Variants in TNNI3K observed in about 807,000 individuals in gnomAD.
TNNI3K encodes serine/threonine-protein kinase TNNI3K.
A neutral mutation model predicts 114.5 loss-of-function variants in TNNI3K; 140 were observed. The ratio of observed to expected loss-of-function variants is 1.22; its 90% confidence interval spans 1.07 to 1.41. The LOEUF (loss-of-function observed/expected upper bound fraction) is 1.41. Among genes scored for constraint, TNNI3K ranks in the 40% most tolerant of loss-of-function variants. The pLI is 0.00. For missense variants in TNNI3K, 1,125 were observed against 1,007.6 expected (o/e 1.12, Z -1.58); for synonymous variants, 347 against 347.5 (o/e 1.00, Z 0.02).
intron 21 of TNNI3K, among the ~76,000 whole-genome samples, chr1:74,473,635 C>T (rs1271134895): frequency 6.6e-6 from 1 of 151,830 alleles, no homozygotes; most frequent in Non-Finnish European, 1.5e-5. Flanking sequence ...GATACTCCAT[C>T]TCCAATTTTC....
intron 4 of TNNI3K, among the ~76,000 whole-genome samples, chr1:74,270,974 A>C (rs1656307737): frequency 6.6e-6 from 1 of 151,834 alleles, no homozygotes; most frequent in South Asian, 2.1e-4. Flanking sequence ...ATTGTTGCAC[A>C]AATTTTTCAA....
intron 4 of TNNI3K, among the ~76,000 whole-genome samples, chr1:74,255,277 C>A (rs1655206317): frequency 6.6e-6 from 1 of 150,446 alleles, no homozygotes; most frequent in Non-Finnish European, 1.5e-5. Flanking sequence ...TGGCGTGAAC[C>A]CGGGAGGCGG....
intron 17 of TNNI3K, among the ~76,000 whole-genome samples, chr1:74,382,161 A>G (rs896957173): frequency 4.6e-5 from 7 of 152,216 alleles, no homozygotes; most frequent in Non-Finnish European, 1.0e-4. Context: ...AATTCATCCT[A>G]TCACACCTTT....
chr1:74,448,395 C>A (rs1406221792), intron 20 of TNNI3K, among the ~76,000 whole-genome samples: 3 of 147,316 alleles, frequency 2.0e-5, no homozygotes, highest in Middle Eastern at 3.2e-3. Flanking sequence ...GATATACAAT[C>A]ATGTCGTCTG....
At chr1:74,543,849 A>C in intron 24 of TNNI3K, 57 bp from the exon 25 acceptor site, 1 of 1,606,072 alleles carries the variant, frequency 6.2e-7, no homozygotes, top group Non-Finnish European at 8.5e-7. Context: ...GTTATAAAAA[A>C]TTGGGGGATG....
chr1:74,426,940 A>G (rs1665666440), intron 17 of TNNI3K, among the ~76,000 whole-genome samples: 1 of 152,126 alleles, frequency 6.6e-6, no homozygotes, highest in African/African-American at 2.4e-5. Flanking sequence ...AGGAAAAAGA[A>G]TAGTTGTTAG....
chr1:74,450,836 T>C (rs1188549020), intron 20 of TNNI3K, among the ~76,000 whole-genome samples: 2 of 152,164 alleles, frequency 1.3e-5, no homozygotes, highest in Non-Finnish European at 2.9e-5. Context: ...GAAGACAATG[T>C]GGTGATTCCT....
At chr1:74,269,324 ATCTTTACTCACT>A (rs1300988603) in intron 4 of TNNI3K, among the ~76,000 whole-genome samples, 11 of 151,874 alleles carry the variant, frequency 7.2e-5, no homozygotes, top group Non-Finnish European at 1.5e-4. Flanking sequence ...CGATTTCACT[ATCTTTACTCACT>A]GCAGTGTCAC....
intron 5 of TNNI3K, among the ~76,000 whole-genome samples, chr1:74,301,351 G>A (rs1658320859): frequency 6.6e-6 from 1 of 152,058 alleles, no homozygotes; most frequent in African/African-American, 2.4e-5. Context: ...AGTGAGCCGA[G>A]ATCGAGCCAC....
At chr1:74,401,775 T>C in intron 17 of TNNI3K, 2 of 433,694 alleles carry the variant, frequency 4.6e-6, no homozygotes, top group Non-Finnish European at 4.6e-6. Context: ...ACCATAAAAT[T>C]GCTATGTAAT....
At chr1:74,284,944 T>G (rs753582319) in intron 5 of TNNI3K, among the ~76,000 whole-genome samples, 4 of 152,240 alleles carry the variant, frequency 2.6e-5, no homozygotes, top group Non-Finnish European at 5.9e-5. Flanking sequence ...TAATTTGTCC[T>G]GAAAGGACAT....
intron 5 of TNNI3K, among the ~76,000 whole-genome samples, chr1:74,273,016 A>G (rs1033698279): frequency 1.3e-5 from 2 of 151,770 alleles, no homozygotes; most frequent in Admixed American, 1.3e-4. Flanking sequence ...CCTTTTAGTC[A>G]TGTTGCAATT....
intron 21 of TNNI3K, among the ~76,000 whole-genome samples, chr1:74,484,692 A>G (rs1668663885): frequency 6.6e-6 from 1 of 152,094 alleles, no homozygotes; most frequent in African/African-American, 2.4e-5. Flanking sequence ...TGATGACCAG[A>G]GTGGAGTGTG....
At chr1:74,471,148 C>G (rs1353250858) in intron 21 of TNNI3K, 2 of 400,562 alleles carry the variant, frequency 5.0e-6, no homozygotes, top group Non-Finnish European at 8.8e-6. Flanking sequence ...TGAGTAACAG[C>G]TGCTTTCTAT....
At chr1:74,291,700 T>C (rs1309809444) in intron 5 of TNNI3K, among the ~76,000 whole-genome samples, 3 of 151,494 alleles carry the variant, frequency 2.0e-5, no homozygotes. Context: ...TTATTTAGGG[T>C]TAATGCTTTC....
chr1:74,257,759 C>G (rs1477849340), intron 4 of TNNI3K, among the ~76,000 whole-genome samples: 1 of 149,778 alleles, frequency 6.7e-6, no homozygotes, highest in Admixed American at 6.7e-5. Context: ...AGCTCCGCCT[C>G]CCGGTTCAAG....
chr1:74,280,372 AC>A (rs1211572259), intron 5 of TNNI3K, among the ~76,000 whole-genome samples: 1 of 150,560 alleles, frequency 6.6e-6, no homozygotes, highest in Non-Finnish European at 1.5e-5. Context: ...ACAGAGCGAA[AC>A]TCCATCTCAA....
intron 17 of TNNI3K, among the ~76,000 whole-genome samples, chr1:74,411,516 C>T (rs1000644718): frequency 1.3e-5 from 2 of 152,120 alleles, no homozygotes; most frequent in African/African-American, 2.4e-5. Context: ...CCCCCTCCCC[C>T]ACCCTGACAC....
At chr1:74,315,160 A>G (rs1391576015) in intron 5 of TNNI3K, among the ~76,000 whole-genome samples, 1 of 152,156 alleles carries the variant, frequency 6.6e-6, no homozygotes, top group Non-Finnish European at 1.5e-5. Context: ...TGATTTAGTA[A>G]TGTGAATTTG....
Sources: allele counts gnomAD v4.1 joint callset (sites outside exome capture counted in the v4.1 genomes callset), GRCh38; gene constraint gnomAD v4.1.1; transcripts MANE v1.5; gene names NCBI Gene and HGNC (gene_info 2026-07-23, HGNC 2026-07-21).